The following ANXA6 variants were observed in gnomAD, a reference collection of about 807,000 sequenced individuals.
ANXA6 encodes the protein annexin A6.
ANXA6 carries 71 observed loss-of-function variants against 95.4 expected under a neutral mutation model. The observed-to-expected ratio is 0.74, with a 90% CI of 0.61 to 0.91. The LOEUF (loss-of-function observed/expected upper bound fraction) is 0.91. Ranked by LOEUF, ANXA6 falls within the 40% of genes least tolerant of loss-of-function variation. The pLI is 0.00. For missense variants in ANXA6, 830 were observed against 876.4 expected (o/e 0.95, Z 0.67); for synonymous variants, 289 against 315.9 (o/e 0.91, Z 0.90).
chr5:151,132,105 A>T (rs1233471257), intron 10 of ANXA6, among the ~76,000 whole-genome samples: 1 of 152,186 alleles, frequency 6.6e-6, no homozygotes, highest in Non-Finnish European at 1.5e-5. Context: ...AATAGAGATC[A>T]TGGCAGTGGC....
At chr5:151,111,186 A>G (rs1764838130) in intron 20 of ANXA6, among the ~76,000 whole-genome samples, 2 of 152,238 alleles carry the variant, frequency 1.3e-5, no homozygotes, top group African/African-American at 4.8e-5. Context: ...CACACAGCAA[A>G]CAGTGATGGG....
chr5:151,144,940 T>C (rs955346012), intron 2 of ANXA6, among the ~76,000 whole-genome samples: 2 of 151,988 alleles, frequency 1.3e-5, no homozygotes, highest in Non-Finnish European at 2.9e-5. Flanking sequence ...GGCCCAGGCT[T>C]CCCACCGTGT....
intron 13 of ANXA6, among the ~76,000 whole-genome samples, chr5:151,127,285 A>G (rs906888646): frequency 3.3e-5 from 5 of 152,252 alleles, no homozygotes; most frequent in Admixed American, 6.5e-5. Flanking sequence ...AAATTCTTGC[A>G]TCCCTTCTGT....
intron 3 of ANXA6, 144 bp from the exon 4 acceptor site, chr5:151,139,591 G>A (rs1233533079): frequency 1.5e-6 from 1 of 675,456 alleles, no homozygotes; most frequent in South Asian, 1.6e-5. Flanking sequence ...TGGTGTCAGG[G>A]CAGAGGGTCA....
At chr5:151,120,416 CA>C (rs35091535) in intron 17 of ANXA6, among the ~76,000 whole-genome samples, 12,047 of 131,896 alleles carry the variant, frequency 0.091, 580 homozygotes, top group South Asian at 0.14. Context: ...GCTACAACTA[CA>C]AAAAAAAAAA....
Position 151,126,432 on chromosome 5 carries a change from C to T in ANXA6, c.1026G>A (p.Met342Ile), listed in dbSNP as rs758443733. The T allele has an allele frequency of 3.7e-5, 59 of 1,611,158 alleles. No homozygotes were observed. The highest frequency in any genetic ancestry group is 4.8e-5 in the Non-Finnish European group (57 of 1,178,750). The change falls in exon 14 of 26, where the codon ATG becomes ATA. Residue 342 changes from methionine (M) to isoleucine (I), a missense_variant. Physicochemically the swap from Met to Ile is conservative, Grantham distance 10 (BLOSUM62 1). Transcript: ENST00000354546. Reference sequence around the variant, plus strand: ...CTCGGGCCACTGCACTAAGTTCCCACATCTGATAGGCCACCTGCGCTGCCT... The same window carrying T: ...CTCGGGCCACTGCACTAAGTTCCCATATCTGATAGGCCACCTGCGCTGCCT... Reference protein sequence around the residue: ...FPEAAQVAYQMWELSAVARVE... With the variant: ...FPEAAQVAYQIWELSAVARVE...
At chr5:151,145,488 T>C (rs1224046056) in intron 2 of ANXA6, among the ~76,000 whole-genome samples, 1 of 152,204 alleles carries the variant, frequency 6.6e-6, no homozygotes, top group Non-Finnish European at 1.5e-5. Context: ...TACTTCTTCA[T>C]GTCTTTGGGC....
intron 17 of ANXA6, among the ~76,000 whole-genome samples, chr5:151,120,205 G>A (rs910815436): frequency 6.6e-6 from 1 of 152,074 alleles, no homozygotes; most frequent in South Asian, 2.1e-4. Context: ...ATGAACTGAG[G>A]CGTTACATGC....
At chr5:151,129,042 G>A (rs965316800) in intron 12 of ANXA6, among the ~76,000 whole-genome samples, 4 of 151,640 alleles carry the variant, frequency 2.6e-5, no homozygotes, top group African/African-American at 7.3e-5. Flanking sequence ...CCAATCACCC[G>A]GCCCAGGCCA....
At chr5:151,131,413 T>C (rs554520317) in intron 10 of ANXA6, 124 bp from the exon 11 acceptor site, 2 of 970,648 alleles carry the variant, frequency 2.1e-6, no homozygotes, top group South Asian at 2.8e-5. Flanking sequence ...AGAACCACCG[T>C]TCCTGATAGC....
chr5:151,112,032 G>T (rs1269968066), intron 20 of ANXA6, among the ~76,000 whole-genome samples: 1 of 151,976 alleles, frequency 6.6e-6, no homozygotes, highest in Non-Finnish European at 1.5e-5. Flanking sequence ...CTGACCTTAG[G>T]TAATCCACCC....
chr5:151,128,831 C>T (rs1415426311), intron 12 of ANXA6, among the ~76,000 whole-genome samples: 3 of 152,064 alleles, frequency 2.0e-5, no homozygotes, highest in African/African-American at 7.2e-5. Flanking sequence ...AACTTATTTT[C>T]CCATAGAACA....
At chr5:151,108,998 C>A (rs892986215) in intron 22 of ANXA6, among the ~76,000 whole-genome samples, 4 of 152,168 alleles carry the variant, frequency 2.6e-5, no homozygotes, top group African/African-American at 9.7e-5. Flanking sequence ...GGCATTGCGC[C>A]AGTGCTTTAT....
intron 7 of ANXA6, among the ~76,000 whole-genome samples, chr5:151,135,814 T>C (rs1765641711): frequency 6.6e-6 from 1 of 152,208 alleles, no homozygotes; most frequent in African/African-American, 2.4e-5. Context: ...ACACATTTTA[T>C]GGGAAAACAA....
chr5:151,136,108 T>C (rs764908417), intron 7 of ANXA6, 148 bp downstream of exon 7: 41 of 668,292 alleles, frequency 6.1e-5, no homozygotes, highest in Non-Finnish European at 1.0e-4. Flanking sequence ...GAGGACTGTG[T>C]GCCAAAGAGA....
chr5:151,124,280 C>G lies in ANXA6; in HGVS notation c.1138+6G>C. The G allele has an allele frequency of 6.2e-7, 1 of 1,613,294 alleles. No individual in the cohort carries two copies. The highest frequency in any genetic ancestry group is 8.5e-7 in the Non-Finnish European group (1 of 1,179,592). ...ACCAACCCTGCTCCCTTCCCATCCCCCATACCGAGTCCCTTCATGGCTTTC... is the reference window on the plus strand; with the variant it reads ...ACCAACCCTGCTCCCTTCCCATCCCGCATACCGAGTCCCTTCATGGCTTTC... On this transcript the variant is annotated splice_donor_region_variant and intron_variant, in intron 15 of 25. Transcript: ENST00000354546.
chr5:151,112,060 T>C (rs1473074802), intron 20 of ANXA6, among the ~76,000 whole-genome samples: 1 of 152,002 alleles, frequency 6.6e-6, no homozygotes, highest in Non-Finnish European at 1.5e-5. Context: ...CCTCCCAAAG[T>C]GCTGGGATTA....
intron 16 of ANXA6, 106 bp from the exon 17 acceptor site, chr5:151,122,366 T>C (rs1765192427): frequency 1.5e-6 from 1 of 659,004 alleles, no homozygotes; most frequent in Non-Finnish European, 2.6e-6. Context: ...TGAGGGATCA[T>C]GGAAGCTTGT....
intron 7 of ANXA6, among the ~76,000 whole-genome samples, chr5:151,135,407 G>A (rs1765630363): frequency 6.6e-6 from 1 of 152,192 alleles, no homozygotes; most frequent in Non-Finnish European, 1.5e-5. Context: ...TTCCCCAGCT[G>A]GTTAATATGG....
Sources: allele counts gnomAD v4.1 joint callset (sites outside exome capture counted in the v4.1 genomes callset), GRCh38; gene constraint gnomAD v4.1.1; transcripts MANE v1.5; gene names NCBI Gene and HGNC (gene_info 2026-07-23, HGNC 2026-07-21).